Variants in HIVEP2 observed in about 807,000 individuals in gnomAD.
The protein encoded by HIVEP2 is transcription factor HIVEP2.
Under a neutral mutation model 180.7 loss-of-function variants are expected in HIVEP2, and 14 were observed. That is an observed-to-expected ratio of 0.08 (90% confidence interval 0.05 to 0.12). The LOEUF is 0.12. HIVEP2 is among the 10% of genes least tolerant of loss of function. The pLI is 1.00. For missense variants in HIVEP2, 2,579 were observed against 3,008.5 expected (o/e 0.86, Z 3.34); for synonymous variants, 1,184 against 1,136.4 (o/e 1.04, Z -0.84).
intron 8 of HIVEP2, 77 bp downstream of exon 8, chr6:142,761,387 C>A: frequency 1.4e-6 from 1 of 697,840 alleles, no homozygotes; most frequent in Non-Finnish European, 2.6e-6. Context: ...AATATCTAAA[C>A]TTATTTTACT....
At chr6:142,797,182 C>T (rs1027029624) in intron 2 of HIVEP2, among the ~76,000 whole-genome samples, 6 of 151,724 alleles carry the variant, frequency 4.0e-5, no homozygotes, top group African/African-American at 1.5e-4. Context: ...TTTGATATTT[C>T]TGATATTTTA....
At position 142,760,143 on chromosome 6, in the gene HIVEP2, C is replaced by T; in HGVS notation, c.6145G>A (p.Gly2049Arg). 6.2e-7 allele frequency: 1 copy of T among 1,614,140 alleles called. No homozygotes were observed. Among genetic ancestry groups the T allele is most frequent in the South Asian group, 1.1e-5 (1 of 91,082 alleles). Residue 2049 changes from glycine to arginine, a missense_variant, in exon 9 of 10, where the codon GGA becomes AGA. Coordinates refer to ENST00000367603, the MANE Select transcript of HIVEP2 (RefSeq NM_006734.4). ...FSPSSHHSSP[G>R]YDSSPCRDNS... ...TCTCGACAGGGTGAAGAATCATATC[C>T]TGGAGAGGAATGGTGGCTTGAGGGT...
At chr6:142,854,880 G>C (rs922871974) in intron 1 of HIVEP2, among the ~76,000 whole-genome samples, 3 of 152,154 alleles carry the variant, frequency 2.0e-5, no homozygotes, top group African/African-American at 7.2e-5. Context: ...TACTGGGCCG[G>C]ATGTAGGAAA....
Position 142,843,027 on chromosome 6 carries a change from G to A in HIVEP2, c.-640-5980C>T, listed in dbSNP as rs117135157. Among the ~76,000 whole-genome samples the A allele has an allele frequency of 5.8e-4, 89 of 152,298 alleles. 1 individual carries two copies. The East Asian group carries it at 0.012, about 21-fold the overall frequency. ...AATCACAACAGGAAAACACTTGCACGAAGGGAAAGCTGAATGTCTATAGGG... is the reference window on the plus strand; with the variant it reads ...AATCACAACAGGAAAACACTTGCACAAAGGGAAAGCTGAATGTCTATAGGG... On this transcript the variant is annotated intron_variant, in intron 1 of 9. Coordinates refer to ENST00000367603, the MANE Select transcript of HIVEP2 (RefSeq NM_006734.4).
At chr6:142,900,065 A>G (rs1166315302) in intron 1 of HIVEP2, among the ~76,000 whole-genome samples, 5 of 152,222 alleles carry the variant, frequency 3.3e-5, no homozygotes, top group Non-Finnish European at 7.3e-5. Context: ...ATCTTAATAA[A>G]AGGTCTAAAC....
At chr6:142,895,216 T>C (rs1398364148) in intron 1 of HIVEP2, among the ~76,000 whole-genome samples, 1 of 152,186 alleles carries the variant, frequency 6.6e-6, no homozygotes, top group Non-Finnish European at 1.5e-5. Flanking sequence ...CTTCACATTG[T>C]TTTCTGTTTT....
chr6:142,842,556 T>C (rs1355847285), intron 1 of HIVEP2, among the ~76,000 whole-genome samples: 1 of 152,200 alleles, frequency 6.6e-6, no homozygotes, highest in East Asian at 1.9e-4. Context: ...AGTCACACTA[T>C]GTGTCAAGTT....
intron 3 of HIVEP2, among the ~76,000 whole-genome samples, chr6:142,780,605 T>C (rs1775835916): frequency 6.6e-6 from 1 of 152,194 alleles, no homozygotes; most frequent in Admixed American, 6.5e-5. Context: ...ATTAAAAATA[T>C]GGACTATTTG....
chr6:142,759,685 G>A (rs1775171036), intron 9 of HIVEP2, 87 bp downstream of exon 9: 2 of 1,024,040 alleles, frequency 2.0e-6, no homozygotes, highest in Non-Finnish European at 1.5e-6. Context: ...AGATACCCAT[G>A]TTCTACTAAA....
rs76369039 is a variant in HIVEP2 at position 142,758,260 on chromosome 6, T to C, written c.6516+1512A>G. Among the ~76,000 whole-genome samples, 444 of 152,366 alleles carry C rather than the reference T, an allele frequency of 2.9e-3. 1 individual carries two copies. Among genetic ancestry groups the C allele is most frequent in the African/African-American group, 9.9e-3 (413 of 41,582 alleles). ...GGTAAACAACATCCCAATTGCTATA[T>C]ATGTTTCTGCAGGAATTGCTTCATC... On this transcript the variant is annotated intron_variant, in intron 9 of 9. Transcript: ENST00000367603.
At chr6:142,763,364 C>G (rs186013420) in intron 7 of HIVEP2, among the ~76,000 whole-genome samples, 1 of 152,278 alleles carries the variant, frequency 6.6e-6, no homozygotes, top group East Asian at 1.9e-4. Context: ...GTTTGGACAA[C>G]AGGCATTTCA....
chr6:142,941,152 T>C (rs566999861), intron 1 of HIVEP2, among the ~76,000 whole-genome samples: 48 of 152,228 alleles, frequency 3.2e-4, no homozygotes, highest in Non-Finnish European at 5.0e-4. Flanking sequence ...CTGATTCTAT[T>C]CTAAATGCAG....
rs567505452 is a variant in HIVEP2, at chr6:142,930,611, T to C, written c.-641+14488A>G. On this transcript the variant is annotated intron_variant, in intron 1 of 9. Transcript: ENST00000367603. Reference sequence around the variant, plus strand: ...CAAGATGTATCATCACCTCGTACCTTTCGGGCTGTAGGTAAAAGTCAATAT... The same window carrying C: ...CAAGATGTATCATCACCTCGTACCTCTCGGGCTGTAGGTAAAAGTCAATAT... Among the ~76,000 whole-genome samples the C allele has an allele frequency of 2.0e-5, 3 of 152,296 alleles. No homozygotes were observed. In the South Asian group the frequency reaches 6.2e-4, roughly 32 times the overall value.
In HIVEP2 at chr6:142,768,482, C is replaced by T. The variant is rs1439192304; in HGVS notation, c.5242G>A (p.Gly1748Arg). ...TTCCCTCTTTCCTTTAAGATATTTC[C>T]CACTAGTTTCCTTTCTAGTTTGCTG... Reference protein sequence around the residue: ...FGSKLERKLVGNILKERGKGD... With the variant: ...FGSKLERKLVRNILKERGKGD... The change falls in exon 6 of 10, where the codon GGA becomes AGA. Residue 1748 changes from glycine to arginine, a missense_variant. By Grantham distance (125) the Gly-to-Arg change is moderately radical. Transcript: ENST00000367603. The T allele has an allele frequency of 6.2e-7, 1 of 1,613,240 alleles. No homozygotes were observed. Among genetic ancestry groups the T allele is most frequent in the South Asian group, 1.1e-5 (1 of 91,006 alleles).
chr6:142,773,338 A>G lies in HIVEP2; in HGVS notation c.1401T>C (p.Asp467=). The part of the protein sequence containing the change: ...EPLPHVNTRL[D]VKMFEDPVSQ... Reference sequence around the variant, plus strand: ...AAACAGGATCTTCAAACATCTTGACATCTAACCTGGTGTTAACGTGAGGTA... The same window carrying G: ...AAACAGGATCTTCAAACATCTTGACGTCTAACCTGGTGTTAACGTGAGGTA... Residue 467 remains aspartate (D), a synonymous_variant, in exon 5 of 10, where the codon GAT becomes GAC. Transcript: ENST00000367603. 6.2e-7 allele frequency: 1 copy of G among 1,614,156 alleles called. No homozygotes were observed. Among genetic ancestry groups the G allele is most frequent in the Non-Finnish European group, 8.5e-7 (1 of 1,180,026 alleles).
rs759096183 is a variant in HIVEP2 at position 142,760,585 on chromosome 6, C to T, written c.5703G>A (p.Glu1901=). The T allele has an allele frequency of 2.3e-5, 37 of 1,613,402 alleles. No individual in the cohort carries two copies. The African/African-American group carries it at 4.1e-4, about 18-fold the overall frequency. Residue 1901 remains glutamate, a synonymous_variant, in exon 9 of 10, where the codon GAG becomes GAA. Transcript: ENST00000367603. Reference sequence around the variant, plus strand: ...CATCTCCATCCTCACCATCTGATTCCTCAGCATCGGAGAACTGATGATCAG... The same window carrying T: ...CATCTCCATCCTCACCATCTGATTCTTCAGCATCGGAGAACTGATGATCAG... The part of the protein sequence containing the change: ...ISTDHQFSDA[E]ESDGEDGDDN...
chr6:142,788,316 A>G (rs6917571), intron 2 of HIVEP2: 4 of 36,802 alleles, frequency 1.1e-4, no homozygotes, highest in Non-Finnish European at 2.3e-4. Flanking sequence ...ATAAAAAAAA[A>G]TCCCCCCCTC....
Position 142,774,682 on chromosome 6 carries a change from A to G in HIVEP2, c.57T>C (p.Thr19=), listed in dbSNP as rs1311780315. ...GTCTCCATCTACCTGATGCTTTATCAGTTTCTCCAGACCTTGAGGTAGCTT... is the reference window on the plus strand; with the variant it reads ...GTCTCCATCTACCTGATGCTTTATCGGTTTCTCCAGACCTTGAGGTAGCTT... ...GQKATSRSGE[T]DKASGRWRQE... The change falls in exon 5 of 10, where the codon ACT becomes ACC. Residue 19 remains threonine (T), a synonymous_variant. Transcript: ENST00000367603. The surrounding 1 kb of genome is among the most constrained non-coding windows in gnomAD (Gnocchi z 5.1). 1 of 1,614,148 alleles carries G rather than the reference A, an allele frequency of 6.2e-7. No individual in the cohort carries two copies. Among genetic ancestry groups the G allele is most frequent in the Admixed American group, 1.7e-5 (1 of 60,012 alleles).
chr6:142,768,512 A>C lies in HIVEP2; in HGVS notation c.5212T>G (p.Phe1738Val). 1.2e-6 allele frequency: 2 copies of C among 1,613,472 alleles called. No individual in the cohort carries two copies. The highest frequency in any genetic ancestry group is 1.7e-6 in the Non-Finnish European group (2 of 1,179,706). ...TQMKPDASFL[F>V]GSKLERKLVG... ...AGTTTCCTTTCTAGTTTGCTGCCAA[A>C]TAAAAAGGACGCATCAGGTTTCATC... Residue 1738 changes from phenylalanine to valine, a missense_variant, in exon 6 of 10, where the codon TTT becomes GTT. Phe to Val is a conservative substitution (Grantham distance 50). Coordinates refer to ENST00000367603, the MANE Select transcript of HIVEP2 (RefSeq NM_006734.4).
Sources: gnomAD v4.1 joint callset for allele counts (sites outside exome capture counted in the v4.1 genomes callset) on GRCh38, gnomAD v4.1.1 for gene constraint, Gnocchi (gnomAD v3.1) non-coding constraint, MANE v1.5 for transcripts, NCBI Gene and HGNC (gene_info 2026-07-23, HGNC 2026-07-21) for gene names.